Variants in CFAP263 observed in about 807,000 individuals in gnomAD.
CFAP263 encodes the protein cilia- and flagella-associated protein 263.
the CFAP263 span, chr16:58,258,598 C>A: frequency 7.3e-7 from 1 of 1,377,136 alleles, no homozygotes. Flanking sequence ...CCATGTGAAG[C>A]AGCCTAGCTC....
chr16:58,249,969 G>C, the CFAP263 span: 1 of 1,324,290 alleles, frequency 7.6e-7, no homozygotes, highest in Non-Finnish European at 1.1e-6. Flanking sequence ...CCGGCACCCG[G>C]AGCTCCTGGG....
At chr16:58,259,232 A>G in the CFAP263 span, among the ~76,000 whole-genome samples, 19 of 152,112 alleles carry the variant, frequency 1.2e-4, no homozygotes, top group African/African-American at 4.3e-4. Context: ...TTTTAAAAAA[A>G]CCTTTAAAAA....
At chr16:58,280,112 C>T in the CFAP263 span, 1 of 1,088,764 alleles carries the variant, frequency 9.2e-7, no homozygotes, top group Non-Finnish European at 1.3e-6. Context: ...ATGGGCTTAT[C>T]CGTGGCAGCC....
the CFAP263 span, chr16:58,262,413 ATGT>A: frequency 6.2e-7 from 1 of 1,612,670 alleles, no homozygotes; most frequent in Non-Finnish European, 8.5e-7. Context: ...GCCCTTCACG[ATGT>A]TGATTTTCAG....
At chr16:58,279,752 A>G in the CFAP263 span, 38 of 1,613,314 alleles carry the variant, frequency 2.4e-5, no homozygotes, top group Middle Eastern at 3.3e-4. Context: ...GAGCAGTTGC[A>G]GGCAGATTAC....
chr16:58,280,116 G>T, the CFAP263 span: 1 of 1,130,480 alleles, frequency 8.8e-7, no homozygotes, highest in Non-Finnish European at 1.3e-6. Flanking sequence ...GCTTATCCGT[G>T]GCAGCCCCAG....
At chr16:58,278,770 A>G in the CFAP263 span, 1 of 784,878 alleles carries the variant, frequency 1.3e-6, no homozygotes, top group South Asian at 1.9e-5. Context: ...CAGTTGCTTT[A>G]ACTATTAAAC....
chr16:58,280,735 AT>A, the CFAP263 span: 1 of 1,606,256 alleles, frequency 6.2e-7, no homozygotes, highest in African/African-American at 1.3e-5. Context: ...TAGCTGGCAC[AT>A]CATTGGGCTT....
the CFAP263 span, chr16:58,262,647 C>A: frequency 1.0e-6 from 1 of 1,002,228 alleles, no homozygotes; most frequent in Admixed American, 2.6e-5. Flanking sequence ...GTTTGGGTGC[C>A]CCCTCGCTGT....
the CFAP263 span, among the ~76,000 whole-genome samples, chr16:58,272,352 A>G: frequency 2.0e-5 from 3 of 152,174 alleles, no homozygotes; most frequent in Non-Finnish European, 2.9e-5. Flanking sequence ...TAATATCATA[A>G]GCCATGCATT....
the CFAP263 span, among the ~76,000 whole-genome samples, chr16:58,252,449 A>G: frequency 1.2e-4 from 18 of 152,176 alleles, no homozygotes; most frequent in East Asian, 3.1e-3. Flanking sequence ...AGAATTTTCA[A>G]TGTAATACTA....
chr16:58,253,496 G>A, the CFAP263 span, among the ~76,000 whole-genome samples: 1 of 152,272 alleles, frequency 6.6e-6, no homozygotes, highest in African/African-American at 2.4e-5. Flanking sequence ...TGTCTCAAAG[G>A]GGTTATCTGT....
the CFAP263 span, among the ~76,000 whole-genome samples, chr16:58,264,363 G>C: frequency 6.6e-6 from 1 of 152,186 alleles, no homozygotes; most frequent in African/African-American, 2.4e-5. Context: ...AAATCAAACT[G>C]CCAGGTGGCA....
At chr16:58,280,621 A>G in the CFAP263 span, 1 of 1,614,050 alleles carries the variant, frequency 6.2e-7, no homozygotes, top group Non-Finnish European at 8.5e-7. Context: ...CTTGGATGTG[A>G]TCCATTTGCT....
chr16:58,260,772 A>G, the CFAP263 span, among the ~76,000 whole-genome samples: 1 of 152,192 alleles, frequency 6.6e-6, no homozygotes, highest in Non-Finnish European at 1.5e-5. Flanking sequence ...GAGAATTAAC[A>G]TGTTGGGGGA....
the CFAP263 span, chr16:58,258,515 C>G: frequency 6.2e-7 from 1 of 1,613,358 alleles, no homozygotes; most frequent in East Asian, 2.2e-5. Context: ...GGACATGAAC[C>G]GCCGGAGGGT....
the CFAP263 span, chr16:58,280,451 T>G: frequency 6.2e-7 from 1 of 1,614,134 alleles, no homozygotes. Flanking sequence ...CGTGAATGCG[T>G]GATGGTCCTT....
At chr16:58,279,658 T>TTTTTTTTC in the CFAP263 span, 4 of 1,477,876 alleles carry the variant, frequency 2.7e-6, no homozygotes, top group Non-Finnish European at 3.6e-6. Flanking sequence ...TCCTTTATCA[T>TTTTTTTTC]TTTTTTTCTT....
the CFAP263 span, chr16:58,283,333 T>G: frequency 6.6e-6 from 1 of 152,230 alleles, no homozygotes; most frequent in African/African-American, 2.4e-5. Context: ...CATAATTCTG[T>G]TCAAAAATGA....
Sources: allele counts gnomAD v4.1 joint callset (sites outside exome capture counted in the v4.1 genomes callset), GRCh38; gene constraint gnomAD v4.1.1; transcripts MANE v1.5; gene names NCBI Gene and HGNC (gene_info 2026-07-23, HGNC 2026-07-21).